ZSWIM9: variants seen among roughly 807,000 people sequenced by gnomAD.
ZSWIM9 encodes zinc finger SWIM-type containing 9, also known as uncharacterized protein ZSWIM9.
Under a neutral mutation model 25.0 loss-of-function variants are expected in ZSWIM9, and 11 were observed. The ratio of observed to expected loss-of-function variants is 0.44; its 90% CI spans 0.28 to 0.73. The LOEUF (loss-of-function observed/expected upper bound fraction) is 0.73, where lower values mean the gene tolerates loss of function less well. Among genes scored for constraint, ZSWIM9 ranks in the 30% least tolerant of loss-of-function variants. The pLI, the probability that ZSWIM9 is intolerant of heterozygous loss-of-function variation, is 0.16. For missense variants in ZSWIM9, 1,070 were observed against 1,296.5 expected (o/e 0.83, Z 2.68); for synonymous variants, 562 against 582.1 (o/e 0.97, Z 0.50).
intron 3 of ZSWIM9, among the ~76,000 whole-genome samples, chr19:48,185,035 C>A (rs898692862): frequency 8.5e-5 from 13 of 152,188 alleles, no homozygotes; most frequent in African/African-American, 3.1e-4. Context: ...TAGATCAGAG[C>A]CTTCCCTGGA....
In ZSWIM9 at chr19:48,196,573, C is replaced by T. The variant is rs906425257; in HGVS notation, c.2509C>T (p.Leu837=). The T allele has an allele frequency of 4.4e-5, 54 of 1,232,402 alleles. No homozygotes were observed. The highest frequency in any genetic ancestry group is 5.5e-5 in the Non-Finnish European group (54 of 988,318). The allele number at this position is 1,232,402 out of a possible 1,614,324, so 76.3% of individuals were successfully genotyped here. The change falls in exon 4 of 4, where the codon CTG becomes TTG. Residue 837 remains leucine (L), a synonymous_variant. Transcript: ENST00000614654. ...RAACGPELAD[L]VAEELAFARQ... is the part of the protein sequence containing the mutation. ...AGCCTGCGGGCCAGAGCTGGCAGAC[C>T]TGGTGGCTGAGGAGTTGGCCTTTGC...
intron 3 of ZSWIM9, among the ~76,000 whole-genome samples, chr19:48,187,461 TTA>T (rs1443922377): frequency 1.7e-3 from 78 of 45,992 alleles, no homozygotes; most frequent in Admixed American, 0.01. Flanking sequence ...TATATATTAA[TTA>T]TATATATTAT....
At chr19:48,183,333 T>G (rs987714961) in intron 3 of ZSWIM9, among the ~76,000 whole-genome samples, 4 of 152,068 alleles carry the variant, frequency 2.6e-5, no homozygotes, top group Non-Finnish European at 5.9e-5. Context: ...TTCACCATGT[T>G]AGCCAGGATG....
rs1472091162 is a variant in ZSWIM9, at chr19:48,197,114, A to T, written c.*287A>T. 3.1e-6 allele frequency: 2 copies of T among 638,056 alleles called. No individual in the cohort carries two copies. Among genetic ancestry groups the T allele is most frequent in the African/African-American group, 3.7e-5 (2 of 53,632 alleles). The allele number at this position is 638,056 out of a possible 1,614,324, so 39.5% of individuals were successfully genotyped here. A position where few individuals can be genotyped will look rare whatever the true frequency, so the allele number is the denominator to read the frequency against. ...TGTGATGAGAGGTGTAGACAGGGTC[A>T]GGCTGGGACAGAAGGAAGGAAAGGG... On this transcript the variant is annotated 3_prime_UTR_variant, in exon 4 of 4. Transcript: ENST00000614654.
At chr19:48,183,630 T>G (rs1322221611) in intron 3 of ZSWIM9, among the ~76,000 whole-genome samples, 2 of 30,142 alleles carry the variant, frequency 6.6e-5, no homozygotes, top group African/African-American at 3.5e-4. Flanking sequence ...GCTATGTAAG[T>G]TTTTTTTTTT....
At chr19:48,187,434 T>TA (rs1568579364) in intron 3 of ZSWIM9, among the ~76,000 whole-genome samples, 6 of 100,378 alleles carry the variant, frequency 6.0e-5, no homozygotes, top group South Asian at 2.5e-4. Context: ...TTATATTATA[T>TA]TATATATATT....
intron 3 of ZSWIM9, among the ~76,000 whole-genome samples, chr19:48,185,137 C>CT (rs34561252): frequency 0.059 from 7,391 of 124,286 alleles, 536 homozygotes; most frequent in East Asian, 0.2. Context: ...TGCTTTCATA[C>CT]TTTTTTTTTT....
intron 3 of ZSWIM9, among the ~76,000 whole-genome samples, chr19:48,185,553 G>C (rs2037001816): frequency 6.6e-6 from 1 of 152,150 alleles, no homozygotes; most frequent in Non-Finnish European, 1.5e-5. Context: ...TTCTAAAAAA[G>C]GTATGTGGTG....
intron 2 of ZSWIM9, chr19:48,181,536 G>A (rs901041702): frequency 3.3e-5 from 5 of 152,138 alleles, no homozygotes; most frequent in African/African-American, 9.7e-5. Flanking sequence ...AGTATTTGGC[G>A]AATACACATA....
At position 48,196,077 on chromosome 19, in the gene ZSWIM9, C is replaced by G; in HGVS notation, c.2013C>G (p.Ser671=). The change falls in exon 4 of 4, where the codon TCC becomes TCG. Residue 671 remains serine, a synonymous_variant. Coordinates refer to ENST00000614654, the MANE Select transcript of ZSWIM9 (RefSeq NM_199341.4). ...RNLRGIPLEK[S]LELAPENGDQ... is the part of the protein sequence containing the mutation. ...TGAGGGGGATCCCCTTGGAGAAGTC[C>G]CTGGAGTTGGCCCCTGAGAACGGAG... 8.0e-7 allele frequency: 1 copy of G among 1,247,822 alleles called. No individual in the cohort carries two copies. Among genetic ancestry groups the G allele is most frequent in the Admixed American group, 4.2e-5 (1 of 24,072 alleles). 77.3% of individuals were successfully genotyped at this position (1,247,822 alleles called of 1,614,324 possible).
chr19:48,173,457 C>T (rs369268807), intron 2 of ZSWIM9, among the ~76,000 whole-genome samples: 1 of 151,972 alleles, frequency 6.6e-6, no homozygotes, highest in South Asian at 2.1e-4. Context: ...TGCCACTATG[C>T]CCACCTAATT....
chr19:48,177,106 A>G (rs1377059944), intron 2 of ZSWIM9, among the ~76,000 whole-genome samples: 5 of 151,994 alleles, frequency 3.3e-5, no homozygotes, highest in Admixed American at 2.0e-4. Context: ...AAAATTCCCT[A>G]CATGTGATGG....
At position 48,197,441 on chromosome 19, in the gene ZSWIM9, A is replaced by G; in HGVS notation, c.*614A>G. The G allele has an allele frequency of 1.6e-6, 1 of 611,024 alleles. No homozygotes were observed. The highest frequency in any genetic ancestry group is 2.9e-6 in the Non-Finnish European group (1 of 342,702). The allele number at this position is 611,024 out of a possible 1,614,324, so 37.9% of individuals were successfully genotyped here. A position where few individuals can be genotyped will look rare whatever the true frequency, so the allele number is the denominator to read the frequency against. On this transcript the variant is annotated 3_prime_UTR_variant, in exon 4 of 4. Coordinates refer to ENST00000614654, the MANE Select transcript of ZSWIM9 (RefSeq NM_199341.4). ...CAAAAGAAATGTGTGGGAGACGGGT[A>G]GAGACGAAATGCAAGGGGCGTGGTT... is the stretch of plus-strand genomic sequence containing the variant.
intron 2 of ZSWIM9, among the ~76,000 whole-genome samples, chr19:48,177,142 A>G (rs932331865): frequency 2.6e-5 from 4 of 152,200 alleles, no homozygotes; most frequent in Non-Finnish European, 5.9e-5. Context: ...GGATATGGTC[A>G]GGGAAGACTT....
Position 48,194,979 on chromosome 19 carries a change from G to A in ZSWIM9, c.915G>A (p.Val305=), listed in dbSNP as rs1013518878. The A allele has an allele frequency of 4.0e-5, 53 of 1,334,008 alleles. No homozygotes were observed. The highest frequency in any genetic ancestry group is 2.2e-4 in the East Asian group (6 of 27,300). 82.6% of individuals were successfully genotyped at this position (1,334,008 alleles called of 1,614,324 possible). A position where few individuals can be genotyped will look rare whatever the true frequency, so the allele number is the denominator to read the frequency against. The change falls in exon 4 of 4, where the codon GTG becomes GTA. Residue 305 remains valine, a synonymous_variant. Transcript: ENST00000614654. This position sits in a 1 kb window ranked among gnomAD's most constrained non-coding sequence, Gnocchi z 6.0. ...AGGTGGCGGCGCAGTTGCCTGCAGT[G>A]CGCCAGCTGCTGCCCTGCGCGCGCG... ...GPEVAAQLPA[V]RQLLPCARVQ... is the part of the protein sequence containing the mutation.
intron 1 of ZSWIM9, chr19:48,171,467 A>G: frequency 1.2e-6 from 1 of 851,970 alleles, no homozygotes; most frequent in Non-Finnish European, 1.4e-6. Context: ...GATGTCCTTA[A>G]GGGACATCTG....
At chr19:48,187,426 ATATTATAT>A (rs1220554490) in intron 3 of ZSWIM9, among the ~76,000 whole-genome samples, 73 of 105,176 alleles carry the variant, frequency 6.9e-4, no homozygotes, top group Admixed American at 4.5e-3. Flanking sequence ...ATTATATATT[ATATTATAT>A]TATATATATT....
chr19:48,189,841 C>T (rs1293614079), intron 3 of ZSWIM9, among the ~76,000 whole-genome samples: 1 of 152,074 alleles, frequency 6.6e-6, no homozygotes, highest in Non-Finnish European at 1.5e-5. Context: ...TTATGTATCG[C>T]TTTACATTAT....
chr19:48,175,554 G>C (rs924087073), intron 2 of ZSWIM9, among the ~76,000 whole-genome samples: 1 of 152,078 alleles, frequency 6.6e-6, no homozygotes, highest in Admixed American at 6.6e-5. Flanking sequence ...GACTTTATCT[G>C]GGGGTGGTGG....
Sources: gnomAD v4.1 joint callset for allele counts (sites outside exome capture counted in the v4.1 genomes callset) on GRCh38, gnomAD v4.1.1 for gene constraint, Gnocchi (gnomAD v3.1) non-coding constraint, MANE v1.5 for transcripts, NCBI Gene and HGNC (gene_info 2026-07-23, HGNC 2026-07-21) for gene names.